The following SLC17A8 variants were observed in gnomAD, a reference collection of about 807,000 sequenced individuals.
The protein encoded by SLC17A8 is solute carrier family 17 member 8.
In SLC17A8, 31 loss-of-function variants were observed where a neutral mutation model predicts 58.0. The ratio of observed to expected loss-of-function variants is 0.53; its 90% CI spans 0.40 to 0.72. The LOEUF (loss-of-function observed/expected upper bound fraction) is 0.72, where lower values mean the gene tolerates loss of function less well. Ranked by LOEUF, SLC17A8 falls within the 30% of genes least tolerant of loss-of-function variation. The pLI is 0.00. For synonymous variants in SLC17A8, 228 were observed against 249.0 expected (o/e 0.92, Z 0.79); for missense variants, 655 against 727.8 (o/e 0.90, Z 1.15).
chr12:100,396,938 A>G (rs953749067), intron 5 of SLC17A8, among the ~76,000 whole-genome samples: 3 of 152,120 alleles, frequency 2.0e-5, no homozygotes, highest in Non-Finnish European at 4.4e-5. Context: ...CTACTCTGCT[A>G]TCCTCAGACA....
intron 1 of SLC17A8, among the ~76,000 whole-genome samples, chr12:100,373,527 G>A (rs554937086): frequency 6.6e-6 from 1 of 151,080 alleles, no homozygotes; most frequent in African/African-American, 2.4e-5. Flanking sequence ...AGTTGGAAAT[G>A]GTCCTGGGAT....
intron 9 of SLC17A8, among the ~76,000 whole-genome samples, chr12:100,409,362 G>A (rs758977643): frequency 2.0e-5 from 3 of 151,870 alleles, no homozygotes; most frequent in Admixed American, 1.3e-4. Flanking sequence ...ACTTTCATAT[G>A]TTTAGTAGAG....
intron 1 of SLC17A8, among the ~76,000 whole-genome samples, chr12:100,358,453 C>A (rs1370776502): frequency 5.3e-5 from 8 of 151,990 alleles, no homozygotes; most frequent in African/African-American, 1.9e-4. Context: ...GAGATTCATC[C>A]CATTTCTTGT....
At position 100,375,556 on chromosome 12, in the gene SLC17A8, G is replaced by A. The variant is rs145901909; in HGVS notation, c.102-5145G>A. Among the ~76,000 whole-genome samples the A allele has an allele frequency of 4.9e-3, 751 of 152,280 alleles. 7 individuals are homozygous for A. The highest frequency in any genetic ancestry group is 0.014 in the South Asian group (66 of 4,822). ...GAATAACAGCCTGTGAGAAAGAGGC[G>A]CTGTCCCCACGCCAAATGGGTGGTT... On this transcript the variant is annotated intron_variant, in intron 1 of 11. Coordinates refer to ENST00000323346, the MANE Select transcript of SLC17A8 (RefSeq NM_139319.3).
At chr12:100,411,532 T>C (rs1293928861) in intron 9 of SLC17A8, among the ~76,000 whole-genome samples, 5 of 151,886 alleles carry the variant, frequency 3.3e-5, no homozygotes, top group African/African-American at 1.2e-4. Flanking sequence ...AGAGAATTGA[T>C]TTGGGCATGT....
rs374677814 is a variant in SLC17A8 at position 100,375,487 on chromosome 12, A to G, written c.102-5214A>G. Among the ~76,000 whole-genome samples the G allele has an allele frequency of 7.2e-5, 11 of 152,298 alleles. No homozygotes were observed. In the East Asian group the frequency reaches 1.5e-3, roughly 21 times the overall value. On this transcript the variant is annotated intron_variant, in intron 1 of 11. Coordinates refer to ENST00000323346, the MANE Select transcript of SLC17A8 (RefSeq NM_139319.3). ...CTGTCAGAGGAGTCCTGCCTCTGGC[A>G]GGAAAGAACGGCCTCACATCCCTGC...
chr12:100,370,752 CT>C (rs1291745858), intron 1 of SLC17A8, among the ~76,000 whole-genome samples: 2 of 152,028 alleles, frequency 1.3e-5, no homozygotes, highest in African/African-American at 4.8e-5. Flanking sequence ...TAGAGACTAT[CT>C]TTTTTTCCTC....
At chr12:100,376,966 T>G (rs898744780) in intron 1 of SLC17A8, among the ~76,000 whole-genome samples, 2 of 152,062 alleles carry the variant, frequency 1.3e-5, no homozygotes, top group African/African-American at 4.8e-5. Context: ...CTCGCCACCA[T>G]GCCTGGCTAA....
intron 2 of SLC17A8, among the ~76,000 whole-genome samples, chr12:100,387,323 T>C (rs1952682939): frequency 6.6e-6 from 1 of 152,174 alleles, no homozygotes; most frequent in Non-Finnish European, 1.5e-5. Flanking sequence ...CTTATGGTGG[T>C]TTTGATTTGC....
intron 1 of SLC17A8, among the ~76,000 whole-genome samples, chr12:100,377,553 C>T (rs955713311): frequency 5.5e-5 from 8 of 145,774 alleles, no homozygotes; most frequent in African/African-American, 7.8e-5. Flanking sequence ...AGTGAGGCAT[C>T]CAAGATGGCT....
intron 1 of SLC17A8, among the ~76,000 whole-genome samples, chr12:100,359,050 G>A (rs776560879): frequency 6.6e-6 from 1 of 152,070 alleles, no homozygotes; most frequent in Non-Finnish European, 1.5e-5. Context: ...TGGGAGTATT[G>A]CTTGAGCCCA....
At chr12:100,378,722 A>G (rs575806581) in intron 1 of SLC17A8, among the ~76,000 whole-genome samples, 1 of 152,254 alleles carries the variant, frequency 6.6e-6, no homozygotes, top group East Asian at 1.9e-4. Context: ...AGCATGGACA[A>G]CTGCATAGAC....
chr12:100,367,034 C>G (rs1313828659), intron 1 of SLC17A8, among the ~76,000 whole-genome samples: 3 of 152,180 alleles, frequency 2.0e-5, no homozygotes, highest in Non-Finnish European at 2.9e-5. Flanking sequence ...GGCCCCATCA[C>G]CACTGCATTC....
At chr12:100,411,947 CTTTG>C (rs1403070320) in intron 9 of SLC17A8, among the ~76,000 whole-genome samples, 5 of 150,100 alleles carry the variant, frequency 3.3e-5, no homozygotes, top group African/African-American at 4.9e-5. Flanking sequence ...TTGTTTGTTT[CTTTG>C]TTTGTTTTTG....
At chr12:100,370,592 C>T (rs2135975290) in intron 1 of SLC17A8, among the ~76,000 whole-genome samples, 1 of 146,452 alleles carries the variant, frequency 6.8e-6, no homozygotes, top group African/African-American at 2.6e-5. Flanking sequence ...CCACCGTGCC[C>T]AGCCAATTAA....
chr12:100,418,254 T>C, intron 11 of SLC17A8, 98 bp downstream of exon 11: 2 of 1,486,076 alleles, frequency 1.3e-6, no homozygotes, highest in Non-Finnish European at 1.9e-6. Context: ...TGTAAATGTG[T>C]ATGTCCTTGA....
intron 5 of SLC17A8, among the ~76,000 whole-genome samples, chr12:100,398,568 A>C (rs999700044): frequency 6.6e-6 from 1 of 152,226 alleles, no homozygotes; most frequent in East Asian, 1.9e-4. Flanking sequence ...GCCTCATTAC[A>C]TGTCCCAGCT....
intron 3 of SLC17A8, 70 bp downstream of exon 3, chr12:100,391,189 C>A: frequency 1.8e-6 from 2 of 1,101,840 alleles, no homozygotes; most frequent in Non-Finnish European, 2.8e-6. Context: ...TTCTGCATAG[C>A]TGGCTCTCAA....
In SLC17A8 at chr12:100,421,554, T is replaced by C. The variant is rs1232131126; in HGVS notation, c.*1395T>C. 1 of 152,118 alleles carries C rather than the reference T, an allele frequency of 6.6e-6. No homozygotes were observed. Among genetic ancestry groups the C allele is most frequent in the African/African-American group, 2.4e-5 (1 of 41,446 alleles). The allele number at this position is 152,118 out of a possible 1,614,324, so 9.4% of individuals were successfully genotyped here. On this transcript the variant is annotated 3_prime_UTR_variant, in exon 12 of 12. Transcript: ENST00000323346. ...TCTAAAGTGTTATTTGAAAATAAAA[T>C]TATTTTCCTGTTCATTGATTTTAAA...
Sources: gnomAD v4.1 joint callset for allele counts (sites outside exome capture counted in the v4.1 genomes callset) on GRCh38, gnomAD v4.1.1 for gene constraint, MANE v1.5 for transcripts, NCBI Gene and HGNC (gene_info 2026-07-23, HGNC 2026-07-21) for gene names.